ANKS1B: variants seen among roughly 807,000 people sequenced by gnomAD.
The protein encoded by ANKS1B is ankyrin repeat and sterile alpha motif domain containing 1B, also known as ankyrin repeat and sterile alpha motif domain-containing protein 1B.
Under a neutral mutation model 148.3 loss-of-function variants are expected in ANKS1B, and 36 were observed. The observed-to-expected ratio is 0.24, with a 90% CI of 0.19 to 0.32. The LOEUF is 0.32. Among genes scored for constraint, ANKS1B ranks in the 10% least tolerant of loss-of-function variants. The probability of loss-of-function intolerance (pLI) is 1.00; values close to 1 mark genes in which losing one functional copy is unlikely to be tolerated. For synonymous variants in ANKS1B, 542 were observed against 560.8 expected (o/e 0.97, Z 0.47); for missense variants, 1,157 against 1,542.6 (o/e 0.75, Z 4.19).
At chr12:98,942,258 C>T (rs1238172407) in intron 17 of ANKS1B, among the ~76,000 whole-genome samples, 8 of 69,312 alleles carry the variant, frequency 1.2e-4, no homozygotes, top group African/African-American at 1.7e-4. Context: ...GGTGGGGGAG[C>T]GGGGGGAGGG....
chr12:99,242,841 T>C (rs560058294), intron 14 of ANKS1B, among the ~76,000 whole-genome samples: 6 of 152,334 alleles, frequency 3.9e-5, no homozygotes, highest in South Asian at 2.1e-4. Flanking sequence ...GCTAGCCATA[T>C]GTAGAAAGCT....
intron 8 of ANKS1B, among the ~76,000 whole-genome samples, chr12:99,693,151 C>A (rs1258915476): frequency 6.6e-6 from 1 of 151,982 alleles, no homozygotes. Context: ...AGTATAAAGT[C>A]ATTTAAACAA....
intron 9 of ANKS1B, among the ~76,000 whole-genome samples, chr12:99,575,955 G>A (rs1403463670): frequency 6.6e-6 from 1 of 152,064 alleles, no homozygotes; most frequent in Non-Finnish European, 1.5e-5. Context: ...GGCACACAGT[G>A]ACAAGTTGGG....
intron 17 of ANKS1B, among the ~76,000 whole-genome samples, chr12:98,873,634 C>T (rs2099678642): frequency 6.6e-6 from 1 of 152,080 alleles, no homozygotes; most frequent in Non-Finnish European, 1.5e-5. Flanking sequence ...AAATCCTCAC[C>T]TGAGAGGAGG....
At chr12:99,957,370 T>A (rs1377267781) in intron 1 of ANKS1B, among the ~76,000 whole-genome samples, 2 of 152,228 alleles carry the variant, frequency 1.3e-5, no homozygotes, top group African/African-American at 4.8e-5. Context: ...TACTTTTTCA[T>A]TTATCAAAAG....
chr12:99,203,363 GTC>G (rs2082285439), intron 14 of ANKS1B, among the ~76,000 whole-genome samples: 1 of 151,992 alleles, frequency 6.6e-6, no homozygotes, highest in Admixed American at 6.5e-5. Context: ...ATCTATTGAA[GTC>G]TTTCTTCTCA....
intron 24 of ANKS1B, among the ~76,000 whole-genome samples, chr12:98,773,790 TTGAC>T (rs1401200116): frequency 3.9e-5 from 6 of 152,180 alleles, no homozygotes; most frequent in African/African-American, 1.4e-4. Flanking sequence ...TACTAAGCAT[TTGAC>T]TGTTTCCATT....
At chr12:99,527,553 G>C (rs1041529739) in intron 9 of ANKS1B, among the ~76,000 whole-genome samples, 1 of 152,094 alleles carries the variant, frequency 6.6e-6, no homozygotes. Context: ...TAGCCATGGA[G>C]AGTTATATCT....
chr12:99,632,728 T>TAC (rs1491536992), intron 9 of ANKS1B, among the ~76,000 whole-genome samples: 2 of 6,612 alleles, frequency 3.0e-4, no homozygotes, highest in African/African-American at 2.2e-3. Context: ...CTTTTCTTTC[T>TAC]ATATATATAT....
In ANKS1B at chr12:99,208,184, G is replaced by T. The variant is rs1232846468; in HGVS notation, c.2419+36158C>A. 4.0e-5 allele frequency among the ~76,000 whole-genome samples: 6 copies of T among 151,894 alleles called. No homozygotes were observed. In the East Asian group the frequency reaches 1.2e-3, roughly 29 times the overall value. ...GTGTGCTTTGTATTGTCTTTATTAG[G>T]TCTTTGATGACTGAGAAAACTGAAT... On this transcript the variant is annotated intron_variant, in intron 14 of 26. Transcript: ENST00000683438.
chr12:99,965,489 A>G (rs1022660637), intron 1 of ANKS1B, among the ~76,000 whole-genome samples: 1 of 152,232 alleles, frequency 6.6e-6, no homozygotes, highest in Non-Finnish European at 1.5e-5. Flanking sequence ...AGGTAATTAT[A>G]TATATAGAAG....
chr12:99,274,745 G>A (rs1214068650), intron 12 of ANKS1B, among the ~76,000 whole-genome samples: 1 of 152,128 alleles, frequency 6.6e-6, no homozygotes, highest in African/African-American at 2.4e-5. Context: ...ATTAAAATTT[G>A]TTCTAGTCCT....
intron 9 of ANKS1B, among the ~76,000 whole-genome samples, chr12:99,581,418 A>C (rs1037782421): frequency 6.6e-6 from 1 of 152,240 alleles, no homozygotes; most frequent in African/African-American, 2.4e-5. Context: ...AATGTAAAAT[A>C]GACTTAAATG....
chr12:99,578,281 G>A (rs1475158280), intron 9 of ANKS1B, among the ~76,000 whole-genome samples: 1 of 152,018 alleles, frequency 6.6e-6, no homozygotes, highest in Non-Finnish European at 1.5e-5. Flanking sequence ...GGCAAAAGCT[G>A]GAAGCATTCC....
chr12:99,044,972 G>A (rs927034222), intron 17 of ANKS1B, among the ~76,000 whole-genome samples: 18 of 152,264 alleles, frequency 1.2e-4, no homozygotes, highest in Middle Eastern at 6.8e-3. Flanking sequence ...GATGAAAGAA[G>A]AGAGGGCACA....
intron 4 of ANKS1B, among the ~76,000 whole-genome samples, chr12:99,798,592 T>C (rs2066553409): frequency 1.3e-5 from 2 of 151,918 alleles, no homozygotes. Context: ...AATGACAGAA[T>C]ACAATGTGTC....
intron 14 of ANKS1B, among the ~76,000 whole-genome samples, chr12:99,224,523 C>G (rs1226647769): frequency 6.6e-6 from 1 of 152,058 alleles, no homozygotes; most frequent in Non-Finnish European, 1.5e-5. Flanking sequence ...TCTCTTGGTC[C>G]TGGTCCTGCC....
At chr12:99,193,328 T>C (rs1413290994) in intron 14 of ANKS1B, among the ~76,000 whole-genome samples, 1 of 152,102 alleles carries the variant, frequency 6.6e-6, no homozygotes, top group Non-Finnish European at 1.5e-5. Flanking sequence ...TGAATGTAGG[T>C]CATAAGAACC....
At chr12:99,870,639 T>C (rs770949962) in intron 1 of ANKS1B, among the ~76,000 whole-genome samples, 2 of 152,156 alleles carry the variant, frequency 1.3e-5, no homozygotes, top group Non-Finnish European at 2.9e-5. Context: ...ATGGTACTCA[T>C]TGTGGTTTTG....
Sources: gnomAD v4.1 joint callset for allele counts (sites outside exome capture counted in the v4.1 genomes callset) on GRCh38, gnomAD v4.1.1 for gene constraint, MANE v1.5 for transcripts, NCBI Gene and HGNC (gene_info 2026-07-23, HGNC 2026-07-21) for gene names.